The following CTBP2 variants were observed in gnomAD, a reference collection of about 807,000 sequenced individuals.
The protein encoded by CTBP2 is C-terminal binding protein 2.
In CTBP2, 30 loss-of-function variants were observed where a neutral mutation model predicts 80.3. The observed-to-expected ratio is 0.37, with a 90% CI of 0.28 to 0.51. The LOEUF (loss-of-function observed/expected upper bound fraction) is 0.51, where lower values mean the gene tolerates loss of function less well. Ranked by LOEUF, CTBP2 falls within the 20% of genes least tolerant of loss-of-function variation. The pLI is 0.93. For synonymous variants in CTBP2, 594 were observed against 587.4 expected (o/e 1.01, Z -0.16); for missense variants, 1,212 against 1,375.3 (o/e 0.88, Z 1.88).
chr10:125,098,102 C>T (rs1293762261), intron 2 of CTBP2, among the ~76,000 whole-genome samples: 1 of 152,206 alleles, frequency 6.6e-6, no homozygotes, highest in Non-Finnish European at 1.5e-5. Flanking sequence ...GTCTGGGCGA[C>T]AGAGCGAGAC....
chr10:124,993,481 G>C, intron 6 of CTBP2, 152 bp from the exon 9 acceptor site: 1 of 989,734 alleles, frequency 1.0e-6, no homozygotes, highest in Non-Finnish European at 1.4e-6. Flanking sequence ...ATGAAGGCTG[G>C]GAATTTTTGA....
intron 1 of CTBP2, among the ~76,000 whole-genome samples, chr10:125,129,552 G>A (rs1449009432): frequency 6.6e-6 from 1 of 152,112 alleles, no homozygotes; most frequent in African/African-American, 2.4e-5. Flanking sequence ...GACCAGGGCT[G>A]GGGGCACAGT....
At chr10:125,101,435 C>A (rs1466986479) in intron 2 of CTBP2, among the ~76,000 whole-genome samples, 2 of 152,238 alleles carry the variant, frequency 1.3e-5, no homozygotes, top group Non-Finnish European at 2.9e-5. Flanking sequence ...GGAGCGGGTG[C>A]AGCAGCATGG....
At chr10:125,053,550 G>A (rs1333465108) in intron 2 of CTBP2, among the ~76,000 whole-genome samples, 1 of 152,136 alleles carries the variant, frequency 6.6e-6, no homozygotes, top group Non-Finnish European at 1.5e-5. Flanking sequence ...CACTCCCAAG[G>A]CCCTTGGGAA....
chr10:125,041,851 T>C (rs11598913), intron 2 of CTBP2, among the ~76,000 whole-genome samples: 12,364 of 151,746 alleles, frequency 0.081, 649 homozygotes, highest in Admixed American at 0.13. Context: ...TCCTGAAAAA[T>C]TGATAAGTAG....
At chr10:125,153,635 ATCACT>A (rs1400886493) in intron 1 of CTBP2, among the ~76,000 whole-genome samples, 3 of 152,124 alleles carry the variant, frequency 2.0e-5, no homozygotes, top group African/African-American at 7.2e-5. Flanking sequence ...GTACAATACT[ATCACT>A]TCCAGGTTAG....
At chr10:124,996,025 A>G (rs982264099) in intron 4 of CTBP2, 5 of 148,380 alleles carry the variant, frequency 3.4e-5, no homozygotes, top group African/African-American at 1.3e-4. Flanking sequence ...CCAGATTTGA[A>G]CCGTGCCGAC....
intron 2 of CTBP2, among the ~76,000 whole-genome samples, chr10:125,067,270 G>A (rs1844790597): frequency 6.6e-6 from 1 of 152,144 alleles, no homozygotes; most frequent in African/African-American, 2.4e-5. Context: ...GAAAGACTGT[G>A]AAACTGCCAC....
chr10:125,108,140 T>C (rs35620663), intron 2 of CTBP2, among the ~76,000 whole-genome samples: 8 of 152,186 alleles, frequency 5.3e-5, no homozygotes, highest in South Asian at 2.1e-4. Flanking sequence ...ACAGAACAGA[T>C]AGTAAAAGCA....
At chr10:125,132,151 C>T (rs1367225300) in intron 1 of CTBP2, among the ~76,000 whole-genome samples, 1 of 152,168 alleles carries the variant, frequency 6.6e-6, no homozygotes, top group Non-Finnish European at 1.5e-5. Flanking sequence ...AGTGGAATTT[C>T]GTTGACCAAT....
At chr10:125,079,932 A>C (rs1846917835) in intron 2 of CTBP2, among the ~76,000 whole-genome samples, 1 of 152,300 alleles carries the variant, frequency 6.6e-6, no homozygotes. Flanking sequence ...TGGATTCTGA[A>C]TGTTTTCTGC....
rs1265217140 is a variant in CTBP2, at chr10:125,098,750, C to CAGAGAGAGAG, written c.-102+12230_-102+12239dup. On this transcript the variant is annotated intron_variant, in intron 2 of 10. Transcript: ENST00000337195. ...AGAGAGAGAGAGAGAGAGAGAGAGA[C>CAGAGAGAGAG]AGAGAGAGAGAGAGAGAGAGAGAGA... is the stretch of plus-strand genomic sequence containing the variant. 5.1e-3 allele frequency among the ~76,000 whole-genome samples: 388 copies of CAGAGAGAGAG among 75,444 alleles called. 35 individuals are homozygous for CAGAGAGAGAG. Among genetic ancestry groups the CAGAGAGAGAG allele is most frequent in the Middle Eastern group, 7.9e-3 (1 of 126 alleles). 49.5% of individuals were successfully genotyped at this position (75,444 alleles called of 152,430 possible).
intron 2 of CTBP2, among the ~76,000 whole-genome samples, chr10:125,054,832 G>A (rs1963540908): frequency 6.6e-6 from 1 of 152,216 alleles, no homozygotes; most frequent in African/African-American, 2.4e-5. Flanking sequence ...TGCCCAGACT[G>A]ACATGAGGTC....
chr10:125,105,143 C>T, intron 2 of CTBP2, among the ~76,000 whole-genome samples: 1 of 152,040 alleles, frequency 6.6e-6, no homozygotes, highest in Non-Finnish European at 1.5e-5. Context: ...CGCCACCTGG[C>T]CGAGTTTTAA....
At chr10:125,024,277 A>G (rs1290699132) in intron 1 of CTBP2, among the ~76,000 whole-genome samples, 1 of 152,216 alleles carries the variant, frequency 6.6e-6, no homozygotes, top group Non-Finnish European at 1.5e-5. Flanking sequence ...ACGATAAGGA[A>G]TGAGGAGGGA....
intron 2 of CTBP2, among the ~76,000 whole-genome samples, chr10:125,050,458 G>T (rs1270139053): frequency 6.6e-6 from 1 of 152,218 alleles, no homozygotes; most frequent in Non-Finnish European, 1.5e-5. Flanking sequence ...AGACGGCTAC[G>T]TAACGGAAAC....
chr10:125,086,919 C>T (rs1848070728), intron 2 of CTBP2, among the ~76,000 whole-genome samples: 2 of 152,138 alleles, frequency 1.3e-5, no homozygotes, highest in African/African-American at 4.8e-5. Flanking sequence ...GCGGCCACTG[C>T]ACCTGCGGAT....
intron 2 of CTBP2, among the ~76,000 whole-genome samples, chr10:125,092,615 G>A (rs912692069): frequency 1.3e-5 from 2 of 152,174 alleles, no homozygotes; most frequent in African/African-American, 2.4e-5. Flanking sequence ...GGGCATGGCG[G>A]CCTCATCCTA....
At chr10:125,062,162 A>G (rs941301983) in intron 2 of CTBP2, among the ~76,000 whole-genome samples, 2 of 152,192 alleles carry the variant, frequency 1.3e-5, no homozygotes, top group Non-Finnish European at 2.9e-5. Context: ...CGGTGCCTAC[A>G]GGGGAAAACG....
Sources: gnomAD v4.1 joint callset for allele counts (sites outside exome capture counted in the v4.1 genomes callset) on GRCh38, gnomAD v4.1.1 for gene constraint, MANE v1.5 for transcripts, NCBI Gene and HGNC (gene_info 2026-07-23, HGNC 2026-07-21) for gene names.